Variants in ST3GAL3 observed in about 807,000 individuals in gnomAD.
ST3GAL3 encodes the protein CMP-N-acetylneuraminate-beta-1,4-galactoside alpha-2,3-sialyltransferase.
In ST3GAL3, 21 loss-of-function variants were observed where a neutral mutation model predicts 50.1. That is an observed-to-expected ratio of 0.42 (90% CI 0.30 to 0.60). ST3GAL3 has a LOEUF of 0.60. Ranked by LOEUF, ST3GAL3 falls within the 20% of genes least tolerant of loss-of-function variation. The pLI, the probability that ST3GAL3 is intolerant of heterozygous loss-of-function variation, is 0.19. For missense variants in ST3GAL3, 353 were observed against 489.4 expected (o/e 0.72, Z 2.63); for synonymous variants, 183 against 190.0 (o/e 0.96, Z 0.30).
Position 43,838,205 on chromosome 1 carries a change from T to C in ST3GAL3, c.210-14T>C. Reference sequence around the variant, plus strand: ...AGTGCCTGGCAAGCTGTAACTTTCCTTCTCTTCCCATAGGCCTGCTGAATT... The same window carrying C: ...AGTGCCTGGCAAGCTGTAACTTTCCCTCTCTTCCCATAGGCCTGCTGAATT... On this transcript the variant is annotated splice_polypyrimidine_tract_variant and intron_variant, in intron 4 of 11. Coordinates refer to ENST00000347631, the MANE Select transcript of ST3GAL3 (RefSeq NM_006279.5). 1 of 1,608,976 alleles carries C rather than the reference T, an allele frequency of 6.2e-7. No individual in the cohort carries two copies. The highest frequency in any genetic ancestry group is 8.5e-7 in the Non-Finnish European group (1 of 1,176,700).
At chr1:43,759,065 G>GCACACA (rs1553285693) in intron 2 of ST3GAL3, among the ~76,000 whole-genome samples, 3,161 of 75,322 alleles carry the variant, frequency 0.042, 49 homozygotes, top group Middle Eastern at 0.11. Flanking sequence ...AAAAGCGCGC[G>GCACACA]CACACACACA....
intron 4 of ST3GAL3, among the ~76,000 whole-genome samples, chr1:43,823,679 GTTTC>G (rs2062407322): frequency 2.0e-5 from 3 of 152,088 alleles, no homozygotes; most frequent in Admixed American, 2.0e-4. Context: ...CTACTAGAGT[GTTTC>G]TTCTGTTTTG....
At chr1:43,761,827 T>G (rs948765456) in intron 2 of ST3GAL3, among the ~76,000 whole-genome samples, 2 of 151,212 alleles carry the variant, frequency 1.3e-5, no homozygotes, top group Non-Finnish European at 2.9e-5. Flanking sequence ...GGTGGGCGCC[T>G]GTAGTCCCAG....
intron 2 of ST3GAL3, among the ~76,000 whole-genome samples, chr1:43,757,592 A>G (rs1002346810): frequency 4.6e-5 from 7 of 152,298 alleles, no homozygotes; most frequent in South Asian, 2.1e-4. Flanking sequence ...TTGCACAAAA[A>G]CAAACAAAAG....
chr1:43,919,533 C>T (rs1448861826), intron 9 of ST3GAL3: 4 of 152,264 alleles, frequency 2.6e-5, no homozygotes, highest in South Asian at 2.1e-4. Flanking sequence ...ATCCCAAGTT[C>T]GGGATTTCCC....
At chr1:43,898,918 AGCCTTTCCATG>A (rs1321197153) in intron 7 of ST3GAL3, 18 of 567,450 alleles carry the variant, frequency 3.2e-5, no homozygotes, top group Non-Finnish European at 5.3e-5. Flanking sequence ...CTGGCACCCA[AGCCTTTCCATG>A]GCCCTGTTTT....
chr1:43,909,322 T>C (rs2080380055), intron 9 of ST3GAL3, among the ~76,000 whole-genome samples: 1 of 152,206 alleles, frequency 6.6e-6, no homozygotes, highest in African/African-American at 2.4e-5. Context: ...TTTGCTCTCT[T>C]CTTGCCTCTC....
intron 5 of ST3GAL3, among the ~76,000 whole-genome samples, chr1:43,865,583 G>A (rs540907682): frequency 6.6e-6 from 1 of 152,182 alleles, no homozygotes; most frequent in Non-Finnish European, 1.5e-5. Flanking sequence ...TGTCTAGAGT[G>A]AGTCAGACAT....
intron 2 of ST3GAL3, among the ~76,000 whole-genome samples, chr1:43,791,819 A>T (rs1246314971): frequency 1.3e-5 from 2 of 152,208 alleles, no homozygotes; most frequent in African/African-American, 4.8e-5. Context: ...AAAGAAAAAG[A>T]AGTAAATTTG....
intron 11 of ST3GAL3, among the ~76,000 whole-genome samples, chr1:43,928,903 C>CT (rs1192165048): frequency 6.6e-6 from 1 of 152,208 alleles, no homozygotes; most frequent in Non-Finnish European, 1.5e-5. Flanking sequence ...GAGCGAAACT[C>CT]TGTCTCAAAA....
intron 9 of ST3GAL3, among the ~76,000 whole-genome samples, chr1:43,917,423 C>A: frequency 8.6e-6 from 1 of 115,736 alleles, no homozygotes; most frequent in Middle Eastern, 4.1e-3. Flanking sequence ...GTTTCCCTCT[C>A]TATACTATCT....
chr1:43,847,273 A>G lies in ST3GAL3; in HGVS notation c.302+8962A>G, dbSNP rs78781842. On this transcript the variant is annotated intron_variant, in intron 5 of 11. Transcript: ENST00000347631. The stretch of plus-strand genomic sequence containing the variant: ...AAAACATTGAAAATAGGATTGCCGT[A>G]TGATCCAGCAATTCCACTTCTGGGT... 4.3e-3 allele frequency among the ~76,000 whole-genome samples: 652 copies of G among 152,346 alleles called. 10 individuals are homozygous for G. Among genetic ancestry groups the G allele is most frequent in the African/African-American group, 0.015 (608 of 41,582 alleles).
At chr1:43,807,468 A>G (rs984551403) in intron 3 of ST3GAL3, among the ~76,000 whole-genome samples, 1 of 137,730 alleles carries the variant, frequency 7.3e-6, no homozygotes, top group Non-Finnish European at 1.6e-5. Context: ...AATGATATCT[A>G]TAGGCCAGGT....
intron 1 of ST3GAL3, among the ~76,000 whole-genome samples, chr1:43,731,411 G>T (rs1675756364): frequency 7.7e-6 from 1 of 129,560 alleles, no homozygotes. Flanking sequence ...TTGAGATGGA[G>T]TCTTGCTCTG....
At chr1:43,806,837 A>G (rs947290080) in intron 3 of ST3GAL3, among the ~76,000 whole-genome samples, 1 of 152,060 alleles carries the variant, frequency 6.6e-6, no homozygotes, top group Non-Finnish European at 1.5e-5. Flanking sequence ...CCACAGGTGC[A>G]CACCACCATG....
intron 5 of ST3GAL3, among the ~76,000 whole-genome samples, chr1:43,889,999 C>A (rs899185003): frequency 2.6e-5 from 4 of 152,242 alleles, no homozygotes; most frequent in East Asian, 1.9e-4. Flanking sequence ...GCCTGTAGTC[C>A]TAGCTACGCA....
chr1:43,858,002 A>C, intron 5 of ST3GAL3: 1 of 487,010 alleles, frequency 2.1e-6, no homozygotes, highest in Non-Finnish European at 3.3e-6. Flanking sequence ...AAGCAAAACC[A>C]ACCGATCCCT....
intron 1 of ST3GAL3, among the ~76,000 whole-genome samples, chr1:43,732,100 T>C (rs1391190672): frequency 6.6e-6 from 1 of 152,228 alleles, no homozygotes; most frequent in African/African-American, 2.4e-5. Flanking sequence ...CTAGACACAC[T>C]TCCCTGTTAG....
At chr1:43,898,375 C>T (rs1191082457) in intron 7 of ST3GAL3, 77 bp downstream of exon 7, 17 of 1,485,762 alleles carry the variant, frequency 1.1e-5, no homozygotes, top group Admixed American at 8.4e-5. Flanking sequence ...AGCTGGCCTT[C>T]CCTGGACATG....
Sources: allele counts gnomAD v4.1 joint callset (sites outside exome capture counted in the v4.1 genomes callset), GRCh38; gene constraint gnomAD v4.1.1; transcripts MANE v1.5; gene names NCBI Gene and HGNC (gene_info 2026-07-23, HGNC 2026-07-21).